COMMD10: variants seen among roughly 807,000 people sequenced by gnomAD.
COMMD10 encodes COMM domain containing 10.
Under a neutral mutation model 28.9 loss-of-function variants are expected in COMMD10, and 33 were observed. The ratio of observed to expected loss-of-function variants is 1.14; its 90% CI spans 0.87 to 1.53. COMMD10 has a LOEUF of 1.53. Ranked by LOEUF, COMMD10 falls within the 40% of genes most tolerant of loss-of-function variation. COMMD10 has a pLI of 0.00. For missense variants in COMMD10, 310 were observed against 233.4 expected (o/e 1.33, Z -2.14); for synonymous variants, 110 against 81.7 (o/e 1.35, Z -1.87).
At chr5:116,186,084 C>G (rs1366197181) in intron 5 of COMMD10, among the ~76,000 whole-genome samples, 1 of 152,124 alleles carries the variant, frequency 6.6e-6, no homozygotes, top group Non-Finnish European at 1.5e-5. Flanking sequence ...TCTTCATTAT[C>G]TTTCTCCCTG....
intron 4 of COMMD10, among the ~76,000 whole-genome samples, chr5:116,107,246 C>G (rs143652272): frequency 6.7e-4 from 102 of 152,198 alleles, no homozygotes; most frequent in African/African-American, 2.3e-3. Context: ...TGGGGAAGTT[C>G]TCCTGGATAA....
intron 4 of COMMD10, among the ~76,000 whole-genome samples, chr5:116,128,043 T>G (rs568600997): frequency 9.9e-5 from 15 of 152,204 alleles, no homozygotes; most frequent in African/African-American, 3.6e-4. Flanking sequence ...TAAAAAGTAT[T>G]CTTGCTGTGG....
At chr5:116,277,367 A>G (rs1020026045) in intron 5 of COMMD10, among the ~76,000 whole-genome samples, 1 of 151,944 alleles carries the variant, frequency 6.6e-6, no homozygotes, top group Non-Finnish European at 1.5e-5. Context: ...TTAGCAGAGA[A>G]CTAATGTGCA....
intron 5 of COMMD10, among the ~76,000 whole-genome samples, chr5:116,191,298 A>G (rs1044524015): frequency 6.6e-6 from 1 of 152,102 alleles, no homozygotes; most frequent in African/African-American, 2.4e-5. Context: ...CCTCCTGGCC[A>G]GAACTCGGGT....
At chr5:116,141,865 C>T (rs1034582250) in intron 5 of COMMD10, among the ~76,000 whole-genome samples, 5 of 151,620 alleles carry the variant, frequency 3.3e-5, no homozygotes, top group African/African-American at 9.7e-5. Context: ...TTTTTTGTGG[C>T]GTTTTAAGGG....
chr5:116,248,025 A>G (rs927471539), intron 5 of COMMD10, among the ~76,000 whole-genome samples: 9 of 151,994 alleles, frequency 5.9e-5, no homozygotes, highest in Non-Finnish European at 1.3e-4. Context: ...TAAAAGTTGT[A>G]CAAAGAATTA....
chr5:116,097,952 G>A (rs1195392754), intron 4 of COMMD10, among the ~76,000 whole-genome samples: 2 of 152,142 alleles, frequency 1.3e-5, no homozygotes, highest in Admixed American at 1.3e-4. Context: ...CTCCCACCGG[G>A]CCCACCTCCA....
At chr5:116,165,472 T>A (rs938096969) in intron 5 of COMMD10, among the ~76,000 whole-genome samples, 1 of 152,204 alleles carries the variant, frequency 6.6e-6, no homozygotes, top group Non-Finnish European at 1.5e-5. Flanking sequence ...GACATTTATT[T>A]CTCACAGTTC....
intron 5 of COMMD10, among the ~76,000 whole-genome samples, chr5:116,162,951 G>A (rs1327110673): frequency 2.0e-5 from 3 of 152,128 alleles, no homozygotes; most frequent in African/African-American, 7.2e-5. Context: ...GTGAATGGGA[G>A]TGAAGGAGCC....
Position 116,164,031 on chromosome 5 carries a change from C to A in COMMD10, c.510+29853C>A, listed in dbSNP as rs555529561. 4.6e-5 allele frequency among the ~76,000 whole-genome samples: 7 copies of A among 152,192 alleles called. No homozygotes were observed. The East Asian group carries it at 1.4e-3, about 29-fold the overall frequency. ...TATTTTCCTTAGTCAATATAACACT[C>A]TGAGGCCAGGCCTGGTGGCTCACGT... On this transcript the variant is annotated intron_variant, in intron 5 of 6. Transcript: ENST00000274458.
intron 5 of COMMD10, among the ~76,000 whole-genome samples, chr5:116,138,844 T>C (rs1752111813): frequency 6.6e-6 from 1 of 151,706 alleles, no homozygotes; most frequent in Non-Finnish European, 1.5e-5. Context: ...TGTGAGAAAA[T>C]GGGCAAAAGT....
At chr5:116,210,968 G>A (rs1050762778) in intron 5 of COMMD10, among the ~76,000 whole-genome samples, 1 of 151,944 alleles carries the variant, frequency 6.6e-6, no homozygotes, top group Admixed American at 6.6e-5. Flanking sequence ...ATTGAAGAAG[G>A]TGACTTAATA....
intron 5 of COMMD10, among the ~76,000 whole-genome samples, chr5:116,153,857 G>T (rs750103396): frequency 1.3e-5 from 2 of 152,082 alleles, no homozygotes; most frequent in African/African-American, 4.8e-5. Flanking sequence ...AAGAGTGAGA[G>T]AATGACCTTG....
chr5:116,115,618 A>C lies in COMMD10; in HGVS notation c.400-18450A>C, dbSNP rs555183562. Among the ~76,000 whole-genome samples, 5 of 152,276 alleles carry C rather than the reference A, an allele frequency of 3.3e-5. No homozygotes were observed. The South Asian group carries it at 1.0e-3, about 32-fold the overall frequency. The stretch of plus-strand genomic sequence containing the variant: ...TTGTTGTAATACCTATGTGTTCATA[A>C]CATTTATTAAATCATGAATTCTTTT... On this transcript the variant is annotated intron_variant, in intron 4 of 6. Transcript: ENST00000274458.
At chr5:116,198,838 GTTTA>G (rs908762284) in intron 5 of COMMD10, among the ~76,000 whole-genome samples, 12 of 152,054 alleles carry the variant, frequency 7.9e-5, no homozygotes, top group African/African-American at 1.9e-4. Context: ...AGGTACCACA[GTTTA>G]TTTATTCATT....
intron 5 of COMMD10, among the ~76,000 whole-genome samples, chr5:116,190,971 T>G (rs1314543753): frequency 6.6e-6 from 1 of 152,192 alleles, no homozygotes; most frequent in Non-Finnish European, 1.5e-5. Context: ...TTATTTATAA[T>G]AAGCACTTTT....
intron 5 of COMMD10, among the ~76,000 whole-genome samples, chr5:116,254,476 C>T (rs1162241900): frequency 6.6e-6 from 1 of 150,766 alleles, no homozygotes; most frequent in Admixed American, 6.6e-5. Flanking sequence ...TGAATGCGTC[C>T]CAGAGATTCT....
chr5:116,247,724 A>G (rs1749990549), intron 5 of COMMD10, among the ~76,000 whole-genome samples: 1 of 152,072 alleles, frequency 6.6e-6, no homozygotes, highest in Admixed American at 6.6e-5. Flanking sequence ...GAAAGCAACA[A>G]CCACATGTTC....
intron 4 of COMMD10, among the ~76,000 whole-genome samples, chr5:116,110,196 C>T (rs147363904): frequency 2.8e-4 from 42 of 152,182 alleles, no homozygotes; most frequent in African/African-American, 9.9e-4. Context: ...TATTTTGAAC[C>T]ACTCTTAGAT....
Sources: allele counts gnomAD v4.1 joint callset (sites outside exome capture counted in the v4.1 genomes callset), GRCh38; gene constraint gnomAD v4.1.1; transcripts MANE v1.5; gene names NCBI Gene and HGNC (gene_info 2026-07-23, HGNC 2026-07-21).